Variants in ASB14 observed in about 807,000 individuals in gnomAD.
ASB14 encodes ankyrin repeat and SOCS box protein 14.
In ASB14, 63 loss-of-function variants were observed where a neutral mutation model predicts 55.6. That is an observed-to-expected ratio of 1.13 (90% CI 0.92 to 1.40). The LOEUF is 1.40. Among genes scored for constraint, ASB14 ranks in the 40% most tolerant of loss-of-function variants. The pLI is 0.00. For missense variants in ASB14, 724 were observed against 710.4 expected (o/e 1.02, Z -0.22); for synonymous variants, 256 against 259.9 (o/e 0.98, Z 0.15).
rs778055719 is a variant in ASB14, at chr3:57,277,779, G to A, written c.1573C>T (p.His525Tyr). Residue 525 changes from histidine to tyrosine, a missense_variant, in exon 9 of 11, where the codon CAT becomes TAT. Coordinates refer to ENST00000487349, the MANE Select transcript of ASB14 (RefSeq NM_001142733.3). ...GAAGGATACTTACTTAAGATAAAAT[G>A]TATTTCTGACCAGATCCCCTGTTTT... ...LQKQGIWSEI[H>Y]FILTNPRSLK... 20 of 1,608,326 alleles carry A rather than the reference G, an allele frequency of 1.2e-5. No individual in the cohort carries two copies. The highest frequency in any genetic ancestry group is 3.4e-5 in the Admixed American group (2 of 58,434).
chr3:57,271,149 A>G (rs867959867), intron 10 of ASB14: 2 of 151,976 alleles, frequency 1.3e-5, no homozygotes, highest in African/African-American at 2.4e-5. Flanking sequence ...TTTCTTTGAT[A>G]TACAGTTTTT....
At chr3:57,273,110 G>A (rs1448300004) in intron 10 of ASB14, 2 of 152,620 alleles carry the variant, frequency 1.3e-5, no homozygotes, top group African/African-American at 4.8e-5. Flanking sequence ...ACCAATCTCT[G>A]TGGCTTCACT....
At chr3:57,280,848 A>G (rs920131641) in intron 6 of ASB14, among the ~76,000 whole-genome samples, 1 of 152,210 alleles carries the variant, frequency 6.6e-6, no homozygotes, top group African/African-American at 2.4e-5. Flanking sequence ...CTATCAAACT[A>G]TAATACCATG....
chr3:57,280,613 A>AAT, intron 6 of ASB14, 140 bp from the exon 7 acceptor site: 1 of 630,512 alleles, frequency 1.6e-6, no homozygotes, highest in Non-Finnish European at 2.5e-6. Context: ...AAAGTAACAG[A>AAT]ATATATACCT....
intron 7 of ASB14, among the ~76,000 whole-genome samples, chr3:57,279,412 T>C (rs2061019660): frequency 2.0e-5 from 3 of 151,432 alleles, no homozygotes; most frequent in South Asian, 2.1e-4. Flanking sequence ...TTAAAAGGTA[T>C]GTTTAGGGCT....
chr3:57,285,231 G>A (rs926039371), intron 5 of ASB14, among the ~76,000 whole-genome samples: 8 of 152,054 alleles, frequency 5.3e-5, no homozygotes, highest in South Asian at 2.1e-4. Flanking sequence ...GTGAACTACC[G>A]TGCACAGCCT....
chr3:57,284,065 T>A (rs545821547), intron 5 of ASB14, among the ~76,000 whole-genome samples: 3 of 135,470 alleles, frequency 2.2e-5, no homozygotes, highest in South Asian at 2.3e-4. Flanking sequence ...GTTAAAAAAA[T>A]AATAATAAAA....
Position 57,289,137 on chromosome 3 carries a change from AATAC to A in ASB14, c.123-18_123-15del. On this transcript the variant is annotated splice_polypyrimidine_tract_variant and intron_variant, in intron 2 of 10. Coordinates refer to ENST00000487349, the MANE Select transcript of ASB14 (RefSeq NM_001142733.3). The stretch of plus-strand genomic sequence containing the variant: ...AAGGAATGCAAACTGCAAAGAAAAA[AATAC>A]ATATGTAATTCCAAAACTGAGGAGA... 6.6e-7 allele frequency: 1 copy of A among 1,506,006 alleles called. No individual in the cohort carries two copies. The highest frequency in any genetic ancestry group is 8.9e-7 in the Non-Finnish European group (1 of 1,118,692). 93.3% of individuals were successfully genotyped at this position (1,506,006 alleles called of 1,614,324 possible).
At position 57,277,426 on chromosome 3, in the gene ASB14, A is replaced by G. The variant is rs530533125; in HGVS notation, c.1585+341T>C. 1.4e-4 allele frequency among the ~76,000 whole-genome samples: 22 copies of G among 152,324 alleles called. No individual in the cohort carries two copies. In the East Asian group the frequency reaches 4.1e-3, roughly 28 times the overall value. ...AGAAGGTCATTTTGATACCCTCTAC[A>G]GACATGGCTCTTAGCTTTTTCTCAT... On this transcript the variant is annotated intron_variant, in intron 9 of 10. Coordinates refer to ENST00000487349, the MANE Select transcript of ASB14 (RefSeq NM_001142733.3).
rs1174512322 is a variant in ASB14 at position 57,268,962 on chromosome 3, C to G, written c.*679G>C. 1 of 152,830 alleles carries G rather than the reference C, an allele frequency of 6.5e-6. No individual in the cohort carries two copies. The allele number at this position is 152,830 out of a possible 1,614,324, so 9.5% of individuals were successfully genotyped here. On this transcript the variant is annotated 3_prime_UTR_variant, in exon 11 of 11. Transcript: ENST00000487349. ...AAACTTGAAGAATGCATTAAATGAT[C>G]CATGAAATTGTAAGAGCGTGTTATG...
At position 57,268,683 on chromosome 3, in the gene ASB14, A is replaced by G. The variant is rs2060912486; in HGVS notation, c.*958T>C. The G allele has an allele frequency of 2.4e-6, 1 of 415,420 alleles. No homozygotes were observed. Among genetic ancestry groups the G allele is most frequent in the Non-Finnish European group, 4.0e-6 (1 of 251,796 alleles). The allele number at this position is 415,420 out of a possible 1,614,324, so 25.7% of individuals were successfully genotyped here. ...TGATGTTTACATTATAGTTACGTTGACATGTAATATGACTGTTTCAAAAAT... is the reference window on the plus strand; with the variant it reads ...TGATGTTTACATTATAGTTACGTTGGCATGTAATATGACTGTTTCAAAAAT... On this transcript the variant is annotated 3_prime_UTR_variant, in exon 11 of 11. Transcript: ENST00000487349.
Position 57,278,803 on chromosome 3 carries a change from C to T in ASB14, c.1005G>A (p.Gln335=). 6.2e-7 allele frequency: 1 copy of T among 1,613,506 alleles called. No individual in the cohort carries two copies. The highest frequency in any genetic ancestry group is 8.5e-7 in the Non-Finnish European group (1 of 1,179,780). Residue 335 remains glutamine (Q), a synonymous_variant, in exon 8 of 11, where the codon CAG becomes CAA. Coordinates refer to ENST00000487349, the MANE Select transcript of ASB14 (RefSeq NM_001142733.3). Reference sequence around the variant, plus strand: ...GCATGAAGTTCACATCAAATCCAGCCTGGATGAGGAGTTCCAGGCACTGAG... The same window carrying T: ...GCATGAAGTTCACATCAAATCCAGCTTGGATGAGGAGTTCCAGGCACTGAG... ...AHPQCLELLI[Q]AGFDVNFMLD... is the part of the protein sequence containing the mutation.
At chr3:57,280,566 A>T (rs62251997) in intron 6 of ASB14, 93 bp from the exon 7 acceptor site, 11 of 1,139,010 alleles carry the variant, frequency 9.7e-6, no homozygotes, top group Admixed American at 2.3e-5. Flanking sequence ...CCAAAAAGCA[A>T]TTAGTGAGCA....
At chr3:57,281,764 G>A (rs969692951) in intron 6 of ASB14, among the ~76,000 whole-genome samples, 2 of 152,152 alleles carry the variant, frequency 1.3e-5, no homozygotes, top group Non-Finnish European at 2.9e-5. Flanking sequence ...AGTAAGCAAG[G>A]TAGTCAGGAT....
At chr3:57,283,167 G>A (rs1277952246) in intron 6 of ASB14, 27 bp downstream of exon 6, 4 of 1,551,312 alleles carry the variant, frequency 2.6e-6, no homozygotes, top group African/African-American at 2.7e-5. Context: ...CCCTTTGTTA[G>A]TGTGCTGACC....
chr3:57,274,017 T>C (rs1423484132), intron 10 of ASB14, among the ~76,000 whole-genome samples: 2 of 152,018 alleles, frequency 1.3e-5, no homozygotes, highest in East Asian at 1.9e-4. Flanking sequence ...TTGAAAGATA[T>C]AATCTACCAC....
intron 5 of ASB14, among the ~76,000 whole-genome samples, chr3:57,285,004 A>G (rs932158832): frequency 1.3e-5 from 2 of 148,782 alleles, no homozygotes; most frequent in Non-Finnish European, 3.0e-5. Flanking sequence ...CAGTGGCGCA[A>G]TCTTGGCTCA....
intron 2 of ASB14, among the ~76,000 whole-genome samples, chr3:57,289,788 CAG>C (rs2107630692): frequency 7.4e-6 from 1 of 135,800 alleles, no homozygotes; most frequent in Admixed American, 8.0e-5. Context: ...GCTGGGACTA[CAG>C]GTGCCCACCA....
intron 10 of ASB14, among the ~76,000 whole-genome samples, chr3:57,274,025 C>T (rs2060967200): frequency 6.6e-6 from 1 of 151,516 alleles, no homozygotes; most frequent in Non-Finnish European, 1.5e-5. Flanking sequence ...TATAATCTAC[C>T]ACTCACTTAC....
Sources: allele counts gnomAD v4.1 joint callset (sites outside exome capture counted in the v4.1 genomes callset), GRCh38; gene constraint gnomAD v4.1.1; transcripts MANE v1.5; gene names NCBI Gene and HGNC (gene_info 2026-07-23, HGNC 2026-07-21).